Variants in AQR observed in about 807,000 individuals in gnomAD.
AQR encodes the protein aquarius intron-binding spliceosomal factor.
In AQR, 61 loss-of-function variants were observed where a neutral mutation model predicts 180.5. The observed-to-expected ratio is 0.34, with a 90% CI of 0.28 to 0.42. The LOEUF (loss-of-function observed/expected upper bound fraction) is 0.42, where lower values mean the gene tolerates loss of function less well. Among genes scored for constraint, AQR ranks in the 10% least tolerant of loss-of-function variants. The pLI is 1.00. For missense variants in AQR, 1,281 were observed against 1,798.3 expected, an observed-to-expected ratio of 0.71 and a Z score of 5.20; for synonymous variants, 551 against 588.8, an observed-to-expected ratio of 0.94 and a Z score of 0.93.
At chr15:34,865,506 C>T (rs911265443) in intron 32 of AQR, among the ~76,000 whole-genome samples, 2 of 152,114 alleles carry the variant, frequency 1.3e-5, no homozygotes, top group African/African-American at 4.8e-5. Context: ...CTAACAGTTC[C>T]CTAAAATGCT....
chr15:34,943,528 T>C lies in AQR; in HGVS notation c.471+760A>G, dbSNP rs190783082. 2.4e-3 allele frequency: 764 copies of C among 319,306 alleles called. 1 individual carries two copies. Among genetic ancestry groups the C allele is most frequent in the Non-Finnish European group, 3.6e-3 (678 of 189,260 alleles). The allele number at this position is 319,306 out of a possible 1,614,324, so 19.8% of individuals were successfully genotyped here. A position where few individuals can be genotyped will look rare whatever the true frequency, so the allele number is the denominator to read the frequency against. On this transcript the variant is annotated intron_variant, in intron 6 of 34. Transcript: ENST00000156471. ...ACAGTGGTATCCAGTGCAGGCATCA[T>C]AAATCTTTTTTTATGCCTTTAAAAG...
rs1009958773 is a variant in AQR at position 34,893,571 on chromosome 15, C to A, written c.2571+92G>T. ...TGTCCCACACTTACCTCCCCCTCAA[C>A]CCCTAACCTGCATACCCATGTGCAT... On this transcript the variant is annotated intron_variant, in intron 23 of 34. Coordinates refer to ENST00000156471, the MANE Select transcript of AQR (RefSeq NM_014691.3). The A allele has an allele frequency of 6.4e-6, 7 of 1,101,840 alleles. 2 individuals are homozygous for A. The South Asian group carries it at 8.5e-5, about 13-fold the overall frequency. 68.3% of individuals were successfully genotyped at this position (1,101,840 alleles called of 1,614,324 possible).
intron 24 of AQR, among the ~76,000 whole-genome samples, chr15:34,888,326 CA>C (rs1016617915): frequency 3.3e-5 from 5 of 150,524 alleles, no homozygotes; most frequent in Non-Finnish European, 7.4e-5. Context: ...TAAATAAAAG[CA>C]ATATACAGTA....
At chr15:34,881,212 A>C (rs545722313) in intron 27 of AQR, among the ~76,000 whole-genome samples, 1 of 152,306 alleles carries the variant, frequency 6.6e-6, no homozygotes, top group African/African-American at 2.4e-5. Flanking sequence ...AAAAATTCTC[A>C]CTAATAATTT....
In AQR at chr15:34,945,293, C is replaced by T. The variant is rs146822882; in HGVS notation, c.331-865G>A. ...CAAATTCAATTCAACAGTTTTGTAT[C>T]CTCCAAATTATTCCTCACTCTCTAT... On this transcript the variant is annotated intron_variant, in intron 5 of 34. Transcript: ENST00000156471. 7.7e-4 allele frequency among the ~76,000 whole-genome samples: 117 copies of T among 152,210 alleles called. No homozygotes were observed. The Middle Eastern group carries it at 0.014, about 18-fold the overall frequency.
In AQR at chr15:34,910,210, T is replaced by C; in HGVS notation, c.1588A>G (p.Asn530Asp). Residue 530 changes from asparagine (N) to aspartate (D), a missense_variant, in exon 17 of 35, where the codon AAC becomes GAC. Transcript: ENST00000156471. Reference protein sequence around the residue: ...VEVAKPNIGENWPTRVRADVT... With the variant: ...VEVAKPNIGEDWPTRVRADVT... The stretch of plus-strand genomic sequence containing the variant: ...TCTGCACGAACTCGGGTTGGCCAGT[T>C]TTCACCTATGTTGGGTTTGGCCACT... 1 of 1,614,240 alleles carries C rather than the reference T, an allele frequency of 6.2e-7. No homozygotes were observed. Among genetic ancestry groups the C allele is most frequent in the Non-Finnish European group, 8.5e-7 (1 of 1,180,040 alleles).
chr15:34,960,493 A>G (rs1262734363), intron 3 of AQR, among the ~76,000 whole-genome samples: 1 of 152,176 alleles, frequency 6.6e-6, no homozygotes, highest in African/African-American at 2.4e-5. Context: ...GGTGAATCAG[A>G]AATAATACTA....
intron 31 of AQR, chr15:34,868,533 A>G (rs1421483104): frequency 6.6e-6 from 1 of 152,180 alleles, no homozygotes; most frequent in Non-Finnish European, 1.5e-5. Flanking sequence ...AGTCAACTAC[A>G]TGGAGGTATA....
chr15:34,876,100 G>T, intron 27 of AQR, 94 bp from the exon 28 acceptor site: 2 of 880,542 alleles, frequency 2.3e-6, no homozygotes, highest in Non-Finnish European at 1.8e-6. Context: ...AATAATTTCT[G>T]ATAAAAACGA....
At chr15:34,880,781 G>C (rs951183042) in intron 27 of AQR, among the ~76,000 whole-genome samples, 3 of 152,108 alleles carry the variant, frequency 2.0e-5, no homozygotes, top group Non-Finnish European at 4.4e-5. Context: ...AGAATCAAAA[G>C]ACAATGCCTA....
intron 26 of AQR, among the ~76,000 whole-genome samples, 191 bp from the exon 27 acceptor site, chr15:34,882,830 A>G (rs992092799): frequency 6.6e-6 from 1 of 152,232 alleles, no homozygotes; most frequent in Non-Finnish European, 1.5e-5. Flanking sequence ...TATAAAAGTT[A>G]TAATTCAAAC....
chr15:34,876,365 C>G (rs1034993126), intron 27 of AQR, among the ~76,000 whole-genome samples: 1 of 152,130 alleles, frequency 6.6e-6, no homozygotes, highest in East Asian at 1.9e-4. Context: ...TATATGAAGT[C>G]TTTCCCTTTG....
intron 15 of AQR, among the ~76,000 whole-genome samples, chr15:34,916,297 G>A (rs1473425831): frequency 1.3e-5 from 2 of 152,058 alleles, no homozygotes; most frequent in African/African-American, 4.8e-5. Flanking sequence ...TGTTATTCCA[G>A]ACTCCCCCTT....
At chr15:34,962,136 C>T (rs145358198) in intron 2 of AQR, among the ~76,000 whole-genome samples, 114 of 151,838 alleles carry the variant, frequency 7.5e-4, no homozygotes, top group African/African-American at 2.6e-3. Flanking sequence ...ATCCTCCAGC[C>T]GCAGCCTCCC....
chr15:34,893,401 C>T (rs1464009639), intron 23 of AQR, among the ~76,000 whole-genome samples: 3 of 152,044 alleles, frequency 2.0e-5, no homozygotes, highest in Non-Finnish European at 2.9e-5. Context: ...GGAGCTAATG[C>T]ATTCCCAAAT....
intron 10 of AQR, among the ~76,000 whole-genome samples, chr15:34,933,619 A>G (rs1030326512): frequency 1.3e-5 from 2 of 152,220 alleles, no homozygotes; most frequent in Non-Finnish European, 2.9e-5. Flanking sequence ...GAGGGGTATT[A>G]AAGTATGACA....
rs1395341315 is a variant in AQR, at chr15:34,969,557, A to T, written c.57T>A (p.Asn19Lys). ...AGCTCACCTGGGTCACGAACTCCGCATTGATTTGGGACACCGTAGGGGCCA... is the reference window on the plus strand; with the variant it reads ...AGCTCACCTGGGTCACGAACTCCGCTTTGATTTGGGACACCGTAGGGGCCA... ...KIVAPTVSQI[N>K]AEFVTQLACK... is the part of the protein sequence containing the mutation. The change falls in exon 1 of 35, where the codon AAT becomes AAA. Residue 19 changes from asparagine to lysine, a missense_variant. By Grantham distance (94) the Asn-to-Lys change is moderately conservative. Around this residue, in one of 9 missense-constraint regions of AQR, gnomAD observed 404 missense variants for 490.9 expected, o/e 0.82. Coordinates refer to ENST00000156471, the MANE Select transcript of AQR (RefSeq NM_014691.3). 3.7e-6 allele frequency: 6 copies of T among 1,613,722 alleles called. No individual in the cohort carries two copies.
intron 5 of AQR, among the ~76,000 whole-genome samples, chr15:34,947,482 G>T (rs1458207197): frequency 1.4e-5 from 2 of 139,082 alleles, no homozygotes; most frequent in African/African-American, 5.3e-5. Flanking sequence ...ATCCCCCTCT[G>T]CGAGAAACAC....
chr15:34,904,423 C>T lies in AQR; in HGVS notation c.1914G>A (p.Met638Ile). The T allele has an allele frequency of 6.2e-7, 1 of 1,611,382 alleles. No individual in the cohort carries two copies. Among genetic ancestry groups the T allele is most frequent in the Non-Finnish European group, 8.5e-7 (1 of 1,178,240 alleles). ...FLDPNQYQQDMTNTIQNGAED... is the reference protein window; with the variant it reads ...FLDPNQYQQDITNTIQNGAED... ...CTGCTCCATTTTGTATAGTATTGGT[C>T]ATATCTTGTTGATACTGGTTTGGAT... Residue 638 changes from methionine (M) to isoleucine (I), a missense_variant, in exon 19 of 35, where the codon ATG (methionine) becomes ATA (isoleucine). Coordinates refer to ENST00000156471, the MANE Select transcript of AQR (RefSeq NM_014691.3).
Sources: allele counts gnomAD v4.1 joint callset (sites outside exome capture counted in the v4.1 genomes callset), GRCh38; gene constraint gnomAD v4.1.1; regional missense constraint gnomAD v4.1.1; transcripts MANE v1.5; gene names NCBI Gene and HGNC (gene_info 2026-07-23, HGNC 2026-07-21).